Variants in KIDINS220 observed in about 807,000 individuals in gnomAD.
The protein encoded by KIDINS220 is kinase D-interacting substrate of 220 kDa.
A neutral mutation model predicts 157.6 loss-of-function variants in KIDINS220; 63 were observed. The observed-to-expected ratio is 0.40, with a 90% CI of 0.33 to 0.49. The LOEUF (loss-of-function observed/expected upper bound fraction) is 0.49, where lower values mean the gene tolerates loss of function less well. Ranked by LOEUF, KIDINS220 falls within the 20% of genes least tolerant of loss-of-function variation. The pLI is 0.66. For missense variants in KIDINS220, 1,772 were observed against 2,171.2 expected (o/e 0.82, Z 3.65); for synonymous variants, 732 against 783.6 (o/e 0.93, Z 1.10).
At chr2:8,754,106 T>C (rs992107304) in intron 22 of KIDINS220, among the ~76,000 whole-genome samples, 7 of 152,174 alleles carry the variant, frequency 4.6e-5, no homozygotes, top group Non-Finnish European at 8.8e-5. Flanking sequence ...GAACACAAAA[T>C]ACTAAAAAGA....
At chr2:8,782,655 G>A (rs1156264040) in intron 17 of KIDINS220, among the ~76,000 whole-genome samples, 1 of 152,188 alleles carries the variant, frequency 6.6e-6, no homozygotes, top group African/African-American at 2.4e-5. Context: ...CAAAGGGAAT[G>A]CTTCCTAACT....
At chr2:8,742,266 AT>A (rs112007699) in intron 26 of KIDINS220, among the ~76,000 whole-genome samples, 12,195 of 142,138 alleles carry the variant, frequency 0.086, 1,070 homozygotes, top group African/African-American at 0.23. Context: ...TGCCTGGCTA[AT>A]TTTTTTTTTT....
rs1407407156 is a variant in KIDINS220, at chr2:8,730,531, G to A, written c.*189C>T. The A allele has an allele frequency of 7.0e-7, 1 of 1,426,106 alleles. No individual in the cohort carries two copies. The highest frequency in any genetic ancestry group is 2.5e-5 in the East Asian group (1 of 39,740). The allele number at this position is 1,426,106 out of a possible 1,614,324, so 88.3% of individuals were successfully genotyped here. ...GCTTCTAATTACAAAGACCACAGAG[G>A]CTGGCTGGTGAGCCATGCTTCTCAT... On this transcript the variant is annotated 3_prime_UTR_variant, in exon 30 of 30. Coordinates refer to ENST00000256707, the MANE Select transcript of KIDINS220 (RefSeq NM_020738.4).
intron 1 of KIDINS220, among the ~76,000 whole-genome samples, chr2:8,835,636 G>T (rs1680284646): frequency 6.7e-6 from 1 of 148,852 alleles, no homozygotes; most frequent in Non-Finnish European, 1.5e-5. Context: ...CTCCAGCCTG[G>T]GCAACAGAGC....
chr2:8,802,914 G>GAA lies in KIDINS220; in HGVS notation c.801+14_801+15dup. 6.2e-7 allele frequency: 1 copy of GAA among 1,610,860 alleles called. No homozygotes were observed. Among genetic ancestry groups the GAA allele is most frequent in the East Asian group, 2.2e-5 (1 of 44,832 alleles). On this transcript the variant is annotated intron_variant, in intron 8 of 29. Transcript: ENST00000256707. ...CACTTCACCACTAGGAGACAAATGT[G>GAA]AAATAGATGACCTACCCTGTCAGGT...
chr2:8,737,262 G>C (rs577766298), intron 26 of KIDINS220: 52 of 279,042 alleles, frequency 1.9e-4, no homozygotes, highest in African/African-American at 1.1e-3. Flanking sequence ...ACAAAGCCTA[G>C]GTCAACTTCT....
downstream of KIDINS220, among the ~76,000 whole-genome samples, chr2:8,728,505 T>C (rs974062977): frequency 2.6e-5 from 4 of 152,242 alleles, no homozygotes; most frequent in African/African-American, 4.8e-5. Context: ...CACACACACA[T>C]AGACGCACAG....
At chr2:8,788,449 A>G (rs1672714033) in intron 15 of KIDINS220, among the ~76,000 whole-genome samples, 198 bp downstream of exon 15, 1 of 152,026 alleles carries the variant, frequency 6.6e-6, no homozygotes, top group Admixed American at 6.6e-5. Flanking sequence ...TTGTATTTTT[A>G]GTAGAGATGG....
chr2:8,744,401 A>AATATATATATAT (rs1474558259), intron 26 of KIDINS220, among the ~76,000 whole-genome samples: 5 of 7,012 alleles, frequency 7.1e-4, no homozygotes, highest in African/African-American at 2.1e-3. Flanking sequence ...ATATATATAT[A>AATATATATATAT]ATATATATAT....
chr2:8,744,512 T>C (rs1475029461), intron 26 of KIDINS220, among the ~76,000 whole-genome samples: 1 of 143,688 alleles, frequency 7.0e-6, no homozygotes, highest in East Asian at 2.1e-4. Flanking sequence ...TTTTAACACA[T>C]TACCTTGTGA....
intron 22 of KIDINS220, among the ~76,000 whole-genome samples, chr2:8,761,992 A>G (rs1668793823): frequency 6.6e-6 from 1 of 152,216 alleles, no homozygotes; most frequent in South Asian, 2.1e-4. Flanking sequence ...CTGTCAAGGC[A>G]TATGTAATTT....
intron 8 of KIDINS220, 25 bp from the exon 9 acceptor site, chr2:8,800,523 AAAAC>A (rs1462677825): frequency 1.3e-6 from 2 of 1,482,158 alleles, no homozygotes; most frequent in Admixed American, 1.9e-5. Flanking sequence ...AATAAAAACA[AAAAC>A]AAGGTAAATT....
At chr2:8,747,718 T>C (rs1473809239) in intron 25 of KIDINS220, 169 bp downstream of exon 25, 2 of 406,326 alleles carry the variant, frequency 4.9e-6, no homozygotes, top group African/African-American at 4.1e-5. Flanking sequence ...TCCATAGATA[T>C]TTACCAGAAA....
chr2:8,741,819 ATACTT>A (rs985198277), intron 26 of KIDINS220, among the ~76,000 whole-genome samples: 1 of 152,236 alleles, frequency 6.6e-6, no homozygotes, highest in African/African-American at 2.4e-5. Flanking sequence ...ATTTTTCACT[ATACTT>A]TAATAAGAGG....
At chr2:8,833,968 T>C (rs1431726605) in intron 1 of KIDINS220, among the ~76,000 whole-genome samples, 2 of 152,180 alleles carry the variant, frequency 1.3e-5, no homozygotes, top group Non-Finnish European at 2.9e-5. Flanking sequence ...AAAGCAACAA[T>C]AGTGCCATGC....
In KIDINS220 at chr2:8,786,220, G is replaced by A; in HGVS notation, c.1925C>T (p.Thr642Ile). The A allele has an allele frequency of 1.2e-6, 2 of 1,614,090 alleles. No individual in the cohort carries two copies. The highest frequency in any genetic ancestry group is 2.7e-5 in the African/African-American group (2 of 75,026). The stretch of plus-strand genomic sequence containing the variant: ...GGAAATCCTACCCTGAGTATCTTCA[G>A]TCTTGAATACTCGAAAAAGCCTGGT... ...LATRLFRVFK[T>I]EDTQGKKKWK... Residue 642 changes from threonine to isoleucine, a missense_variant, in exon 16 of 30, where the codon ACT becomes ATT. Thr to Ile is a moderately conservative substitution (Grantham distance 89, BLOSUM62 -1). Coordinates refer to ENST00000256707, the MANE Select transcript of KIDINS220 (RefSeq NM_020738.4).
chr2:8,780,058 TA>T (rs1355223808), intron 17 of KIDINS220, among the ~76,000 whole-genome samples: 2 of 152,200 alleles, frequency 1.3e-5, no homozygotes, highest in Non-Finnish European at 2.9e-5. Flanking sequence ...ATATCTGTTC[TA>T]AAAAGAACAA....
At chr2:8,763,647 T>C (rs1018044242) in intron 22 of KIDINS220, among the ~76,000 whole-genome samples, 1 of 152,216 alleles carries the variant, frequency 6.6e-6, no homozygotes. Flanking sequence ...TTAAAATGTT[T>C]AGCACAACAG....
intron 2 of KIDINS220, among the ~76,000 whole-genome samples, chr2:8,826,187 A>C (rs940989504): frequency 5.9e-5 from 9 of 152,362 alleles, no homozygotes; most frequent in African/African-American, 2.2e-4. Flanking sequence ...CATTTGAGTT[A>C]ATGTTTATTA....
Sources: allele counts gnomAD v4.1 joint callset (sites outside exome capture counted in the v4.1 genomes callset), GRCh38; gene constraint gnomAD v4.1.1; transcripts MANE v1.5; gene names NCBI Gene and HGNC (gene_info 2026-07-23, HGNC 2026-07-21).